Variants in NALCN observed in about 807,000 individuals in gnomAD.
NALCN encodes sodium leak channel NALCN.
NALCN carries 111 observed loss-of-function variants against 225.3 expected under a neutral mutation model. The observed-to-expected ratio is 0.49, with a 90% confidence interval of 0.42 to 0.58. The LOEUF is 0.58. NALCN is among the 20% of genes least tolerant of loss of function. The pLI is 0.00. For synonymous variants in NALCN, 764 were observed against 769.0 expected, an observed-to-expected ratio of 0.99 and a Z score of 0.11; for missense variants, 1,378 against 2,202.4, an observed-to-expected ratio of 0.63 and a Z score of 7.49.
chr13:101,361,351 T>C (rs1208652231), intron 6 of NALCN, among the ~76,000 whole-genome samples: 2 of 152,136 alleles, frequency 1.3e-5, no homozygotes, highest in African/African-American at 2.4e-5. Flanking sequence ...TCACAGAGGA[T>C]GTTCAGAAGT....
At chr13:101,354,909 C>T (rs912810947) in intron 6 of NALCN, among the ~76,000 whole-genome samples, 8 of 152,140 alleles carry the variant, frequency 5.3e-5, no homozygotes, top group Non-Finnish European at 7.4e-5. Context: ...TCGAAGTATA[C>T]TCCTCAGCGC....
chr13:101,260,318 T>C (rs1183587407), intron 10 of NALCN, among the ~76,000 whole-genome samples: 1 of 152,222 alleles, frequency 6.6e-6, no homozygotes, highest in African/African-American at 2.4e-5. Flanking sequence ...TTGCAAACAG[T>C]GCTGCAGCAA....
intron 7 of NALCN, among the ~76,000 whole-genome samples, chr13:101,310,667 A>G (rs183401335): frequency 1.3e-5 from 2 of 151,858 alleles, no homozygotes; most frequent in Non-Finnish European, 2.9e-5. Flanking sequence ...GAATTTGTCA[A>G]CTCCATGAAA....
At chr13:101,320,198 C>T (rs763810910) in intron 7 of NALCN, among the ~76,000 whole-genome samples, 3 of 152,168 alleles carry the variant, frequency 2.0e-5, no homozygotes, top group Non-Finnish European at 2.9e-5. Context: ...AAGTCTTACA[C>T]GTATGCGACA....
intron 15 of NALCN, among the ~76,000 whole-genome samples, chr13:101,169,425 T>C (rs1187342497): frequency 1.1e-4 from 16 of 152,252 alleles, no homozygotes; most frequent in Admixed American, 8.5e-4. Flanking sequence ...GGCTTACATG[T>C]GCCATGGTGG....
At chr13:101,307,988 G>A (rs2044209269) in intron 7 of NALCN, among the ~76,000 whole-genome samples, 1 of 152,112 alleles carries the variant, frequency 6.6e-6, no homozygotes, top group Non-Finnish European at 1.5e-5. Context: ...TGTACCTTTT[G>A]GATATTCCAT....
At chr13:101,144,405 G>GAA (rs2037241602) in intron 16 of NALCN, among the ~76,000 whole-genome samples, 1 of 152,200 alleles carries the variant, frequency 6.6e-6, no homozygotes, top group Non-Finnish European at 1.5e-5. Flanking sequence ...GTCTCATACG[G>GAA]TTGGGGTCTG....
rs1341794323 is a variant in NALCN, at chr13:101,104,441, A to G, written c.2758-15T>C. Reference sequence around the variant, plus strand: ...TACTCAGCAATCTGAAACGGGCAAAAGGCAGTTTGGTTACAATGAACGGAA... The same window carrying G: ...TACTCAGCAATCTGAAACGGGCAAAGGGCAGTTTGGTTACAATGAACGGAA... On this transcript the variant is annotated splice_polypyrimidine_tract_variant and intron_variant, in intron 24 of 43. Transcript: ENST00000251127. The surrounding 1 kb of genome is among the most constrained non-coding windows in gnomAD (Gnocchi z 4.2). 1 of 1,612,684 alleles carries G rather than the reference A, an allele frequency of 6.2e-7. No homozygotes were observed. Among genetic ancestry groups the G allele is most frequent in the African/African-American group, 1.3e-5 (1 of 75,016 alleles).
intron 30 of NALCN, among the ~76,000 whole-genome samples, chr13:101,086,702 T>C (rs1336885178): frequency 6.6e-6 from 1 of 152,124 alleles, no homozygotes; most frequent in African/African-American, 2.4e-5. Flanking sequence ...TTTTGAGATA[T>C]ATGTTAATAT....
At chr13:101,327,860 T>G (rs1321266586) in intron 7 of NALCN, among the ~76,000 whole-genome samples, 2 of 152,176 alleles carry the variant, frequency 1.3e-5, no homozygotes, top group Admixed American at 1.3e-4. Context: ...CCTACCTTTA[T>G]TCTAGTCTGG....
intron 7 of NALCN, among the ~76,000 whole-genome samples, chr13:101,334,516 C>T (rs192919748): frequency 4.6e-4 from 50 of 108,082 alleles, no homozygotes; most frequent in African/African-American, 8.2e-4. Context: ...GTACAGAGTA[C>T]GGAATACGAA....
intron 10 of NALCN, among the ~76,000 whole-genome samples, chr13:101,259,395 G>A (rs367970883): frequency 2.6e-5 from 4 of 151,976 alleles, no homozygotes; most frequent in South Asian, 4.2e-4. Context: ...GTGCAGTGGC[G>A]TGATCTTGGC....
At chr13:101,226,359 G>C (rs559767563) in intron 13 of NALCN, among the ~76,000 whole-genome samples, 40 of 152,214 alleles carry the variant, frequency 2.6e-4, no homozygotes, top group African/African-American at 9.4e-4. Flanking sequence ...AATACCCTTA[G>C]TCTGTAAGAG....
At chr13:101,237,030 C>T (rs891377208) in intron 12 of NALCN, among the ~76,000 whole-genome samples, 8 of 151,634 alleles carry the variant, frequency 5.3e-5, no homozygotes, top group South Asian at 4.2e-4. Flanking sequence ...GTGTTTTTGA[C>T]TAGAATACCA....
At chr13:101,221,732 A>AT (rs1230211582) in intron 13 of NALCN, among the ~76,000 whole-genome samples, 10 of 152,178 alleles carry the variant, frequency 6.6e-5, no homozygotes, top group African/African-American at 2.4e-4. Context: ...GGAAGGCCCA[A>AT]TTAACCTCAC....
intron 17 of NALCN, among the ~76,000 whole-genome samples, chr13:101,138,503 C>T (rs536606023): frequency 2.7e-4 from 41 of 152,318 alleles, no homozygotes; most frequent in African/African-American, 8.7e-4. Flanking sequence ...GGCTCTGATT[C>T]TATGCTGGGA....
chr13:101,126,429 T>C (rs957719985), intron 17 of NALCN, among the ~76,000 whole-genome samples: 2 of 152,168 alleles, frequency 1.3e-5, no homozygotes, highest in Admixed American at 6.5e-5. Flanking sequence ...ACATACATGC[T>C]ATTTCCAATG....
Position 101,094,176 on chromosome 13 carries a change from G to A in NALCN, c.3269+1398C>T, listed in dbSNP as rs141328719. Among the ~76,000 whole-genome samples the A allele has an allele frequency of 2.6e-5, 4 of 152,224 alleles. No individual in the cohort carries two copies. The East Asian group carries it at 5.8e-4, about 22-fold the overall frequency. ...CTTTCCCAGCACAAAGCCCTTTGCC[G>A]CAAGGCTCAAGAGGACTCAGATGAT... On this transcript the variant is annotated intron_variant, in intron 28 of 43. Transcript: ENST00000251127.
chr13:101,357,761 C>A (rs1392846619), intron 6 of NALCN, among the ~76,000 whole-genome samples: 1 of 152,130 alleles, frequency 6.6e-6, no homozygotes, highest in Non-Finnish European at 1.5e-5. Context: ...AAGCTGGAGG[C>A]ATCATGCTAC....
Sources: gnomAD v4.1 joint callset for allele counts (sites outside exome capture counted in the v4.1 genomes callset) on GRCh38, gnomAD v4.1.1 for gene constraint, Gnocchi (gnomAD v3.1) non-coding constraint, MANE v1.5 for transcripts, NCBI Gene and HGNC (gene_info 2026-07-23, HGNC 2026-07-21) for gene names.